Variants in USH2A observed in about 807,000 individuals in gnomAD.
USH2A encodes usherin, also known as Usher syndrome 2A (autosomal recessive, mild).
A neutral mutation model predicts 538.9 loss-of-function variants in USH2A; 443 were observed. That is an observed-to-expected ratio of 0.82 (90% CI 0.76 to 0.89). The LOEUF (loss-of-function observed/expected upper bound fraction) is 0.89, where lower values mean the gene tolerates loss of function less well. Ranked by LOEUF, USH2A falls within the 40% of genes least tolerant of loss-of-function variation. USH2A has a pLI of 0.00. For synonymous variants in USH2A, 2,413 were observed against 2,273.5 expected, an observed-to-expected ratio of 1.06 and a Z score of -1.75; for missense variants, 6,633 against 6,324.8, an observed-to-expected ratio of 1.05 and a Z score of -1.65.
intron 21 of USH2A, among the ~76,000 whole-genome samples, chr1:216,171,565 C>T (rs1251793674): frequency 6.6e-6 from 1 of 152,008 alleles, no homozygotes; most frequent in Non-Finnish European, 1.5e-5. Context: ...GCTCCTGTCT[C>T]ATAGTAGGCA....
intron 21 of USH2A, among the ~76,000 whole-genome samples, chr1:216,137,573 C>T (rs1165700260): frequency 6.6e-6 from 1 of 152,186 alleles, no homozygotes; most frequent in African/African-American, 2.4e-5. Context: ...AACTGAAGAA[C>T]TTGGAGTCCA....
intron 38 of USH2A, among the ~76,000 whole-genome samples, chr1:215,926,516 C>T (rs779034393): frequency 2.0e-5 from 3 of 151,770 alleles, no homozygotes; most frequent in Non-Finnish European, 4.4e-5. Context: ...ATTGTCCTGC[C>T]TCTCCTACTT....
intron 46 of USH2A, among the ~76,000 whole-genome samples, chr1:215,839,698 C>A (rs76191410): frequency 0.039 from 6,010 of 152,182 alleles, 145 homozygotes; most frequent in African/African-American, 0.069. Flanking sequence ...TTAACATTCC[C>A]AGTCTCCATT....
intron 6 of USH2A, 37 bp from the exon 7 acceptor site, chr1:216,324,389 T>A: frequency 1.3e-6 from 2 of 1,549,296 alleles, no homozygotes; most frequent in Non-Finnish European, 1.8e-6. Context: ...ATTAAAGTTT[T>A]AAGTTTAACC....
At chr1:216,118,491 T>C (rs1240482111) in intron 21 of USH2A, among the ~76,000 whole-genome samples, 1 of 152,108 alleles carries the variant, frequency 6.6e-6, no homozygotes, top group African/African-American at 2.4e-5. Context: ...CACAGACCTC[T>C]ATCACACAGA....
chr1:216,139,307 A>C (rs1354347644), intron 21 of USH2A, among the ~76,000 whole-genome samples: 1 of 152,022 alleles, frequency 6.6e-6, no homozygotes, highest in Non-Finnish European at 1.5e-5. Flanking sequence ...ACTTTGGAAC[A>C]AAATTCATCT....
intron 48 of USH2A, among the ~76,000 whole-genome samples, chr1:215,814,856 C>T (rs552972831): frequency 6.6e-6 from 1 of 152,256 alleles, no homozygotes; most frequent in South Asian, 2.1e-4. Context: ...AAATCTAAAC[C>T]TACTGAATCA....
intron 4 of USH2A, among the ~76,000 whole-genome samples, chr1:216,346,469 T>A (rs2038177781): frequency 6.6e-6 from 1 of 152,054 alleles, no homozygotes; most frequent in Non-Finnish European, 1.5e-5. Flanking sequence ...TCACTTTACA[T>A]TAGGAAAGAG....
At chr1:215,902,973 T>G (rs1290433111) in intron 38 of USH2A, among the ~76,000 whole-genome samples, 1 of 151,912 alleles carries the variant, frequency 6.6e-6, no homozygotes, top group Admixed American at 6.6e-5. Context: ...GAAGTGAGTG[T>G]TGATAGAATG....
intron 30 of USH2A, among the ~76,000 whole-genome samples, chr1:216,063,890 A>C (rs1196856406): frequency 1.3e-5 from 2 of 152,238 alleles, no homozygotes; most frequent in Non-Finnish European, 2.9e-5. Flanking sequence ...CCAAATTTCT[A>C]TAGACTACTA....
intron 4 of USH2A, among the ~76,000 whole-genome samples, chr1:216,336,064 T>G (rs957214307): frequency 6.6e-6 from 1 of 151,428 alleles, no homozygotes; most frequent in African/African-American, 2.4e-5. Context: ...AAAAGGATCA[T>G]ACATCATGAG....
chr1:215,652,812 G>T (rs577211122), intron 64 of USH2A, among the ~76,000 whole-genome samples: 1 of 152,308 alleles, frequency 6.6e-6, no homozygotes, highest in South Asian at 2.1e-4. Context: ...TGCAAATATT[G>T]ATATGACGTT....
intron 64 of USH2A, among the ~76,000 whole-genome samples, chr1:215,651,685 G>A (rs374927043): frequency 3.3e-4 from 50 of 150,146 alleles, no homozygotes; most frequent in African/African-American, 1.2e-3. Flanking sequence ...AAAGCATGCA[G>A]AATGTTCAAA....
intron 21 of USH2A, among the ~76,000 whole-genome samples, chr1:216,150,844 C>G (rs553366083): frequency 6.6e-6 from 1 of 152,198 alleles, no homozygotes; most frequent in Non-Finnish European, 1.5e-5. Flanking sequence ...TTCACCTTCT[C>G]GATGTTCCTT....
intron 3 of USH2A, among the ~76,000 whole-genome samples, chr1:216,395,018 G>A (rs1286319020): frequency 6.6e-6 from 1 of 151,922 alleles, no homozygotes; most frequent in Non-Finnish European, 1.5e-5. Flanking sequence ...GCGCCCAGCC[G>A]GTCCAGTCGT....
intron 32 of USH2A, among the ~76,000 whole-genome samples, chr1:216,009,023 C>A (rs1483015632): frequency 6.6e-6 from 1 of 152,020 alleles, no homozygotes; most frequent in African/African-American, 2.4e-5. Flanking sequence ...GGGGGAGGGG[C>A]AAATATCCCA....
intron 32 of USH2A, among the ~76,000 whole-genome samples, chr1:216,045,535 A>G (rs1024300467): frequency 1.3e-5 from 2 of 152,174 alleles, no homozygotes; most frequent in African/African-American, 4.8e-5. Context: ...AGAAGTAATT[A>G]CTGTCAATGG....
intron 21 of USH2A, among the ~76,000 whole-genome samples, chr1:216,159,972 T>C (rs1215542392): frequency 1.3e-5 from 2 of 152,096 alleles, no homozygotes; most frequent in African/African-American, 4.8e-5. Flanking sequence ...AATACATTAT[T>C]ATTTTTTTTA....
chr1:216,333,401 G>A (rs545754327), intron 4 of USH2A, among the ~76,000 whole-genome samples: 40 of 152,160 alleles, frequency 2.6e-4, no homozygotes, highest in African/African-American at 8.4e-4. Flanking sequence ...GGTCAATTGA[G>A]ATTATTCAGT....
Sources: gnomAD v4.1 joint callset for allele counts (sites outside exome capture counted in the v4.1 genomes callset) on GRCh38, gnomAD v4.1.1 for gene constraint, MANE v1.5 for transcripts, NCBI Gene and HGNC (gene_info 2026-07-23, HGNC 2026-07-21) for gene names.